Variants in ERN1 observed in about 807,000 individuals in gnomAD.
ERN1 encodes serine/threonine-protein kinase/endoribonuclease IRE1.
A neutral mutation model predicts 113.1 loss-of-function variants in ERN1; 39 were observed. The ratio of observed to expected loss-of-function variants is 0.34; its 90% confidence interval spans 0.27 to 0.45. ERN1 has a LOEUF of 0.45. ERN1 is among the 20% of genes least tolerant of loss of function. ERN1 has a pLI of 1.00. For missense variants in ERN1, 976 were observed against 1,274.8 expected (o/e 0.77, Z 3.57); for synonymous variants, 507 against 515.9 (o/e 0.98, Z 0.23).
At chr17:64,084,258 G>C (rs951371416) in intron 2 of ERN1, among the ~76,000 whole-genome samples, 1 of 152,110 alleles carries the variant, frequency 6.6e-6, no homozygotes, top group African/African-American at 2.4e-5. Context: ...TGACTCAAAC[G>C]ACACTGTTGA....
chr17:64,060,658 G>A (rs1913026554), intron 10 of ERN1, 71 bp from the exon 11 acceptor site: 6 of 1,094,266 alleles, frequency 5.5e-6, no homozygotes, highest in Middle Eastern at 4.0e-4. Context: ...GCTAAACTTA[G>A]GCAACAGGTG....
rs1437561776 is a variant in ERN1 at position 64,052,822 on chromosome 17, C to T, written c.2211G>A (p.Trp737Ter). The change falls in exon 17 of 22, where the codon TGG (tryptophan) becomes TGA (stop). Residue 737 changes from tryptophan (W) to a stop codon, truncating the protein, a stop_gained. Transcript: ENST00000433197. LOFTEE classifies it high-confidence loss of function. The part of the protein sequence containing the change: ...RRSGVPGTEG[W>*]IAPEMLSEDC... ...CTTCGCTCAGCATCTCTGGAGCGAT[C>T]CAGCCTTCTGTGCCAGGCACCCCAG... 6.2e-7 allele frequency: 1 copy of T among 1,613,936 alleles called. No individual in the cohort carries two copies. Among genetic ancestry groups the T allele is most frequent in the African/African-American group, 1.3e-5 (1 of 74,938 alleles).
At chr17:64,110,288 T>C (rs1004552357) in intron 1 of ERN1, among the ~76,000 whole-genome samples, 1 of 152,246 alleles carries the variant, frequency 6.6e-6, no homozygotes, top group African/African-American at 2.4e-5. Context: ...TATGTATACA[T>C]TGTGGAATGG....
At chr17:64,083,987 T>C (rs544248893) in intron 2 of ERN1, among the ~76,000 whole-genome samples, 5 of 152,260 alleles carry the variant, frequency 3.3e-5, no homozygotes, top group African/African-American at 4.8e-5. Flanking sequence ...GGGAGGAACA[T>C]TGCCAGCTTC....
chr17:64,103,525 A>G (rs944032577), intron 1 of ERN1, among the ~76,000 whole-genome samples: 1 of 151,234 alleles, frequency 6.6e-6, no homozygotes, highest in Non-Finnish European at 1.5e-5. Context: ...GCAATGTTAC[A>G]CAAAATCCAG....
chr17:64,111,900 C>G (rs1359679349), intron 1 of ERN1, among the ~76,000 whole-genome samples: 7 of 152,174 alleles, frequency 4.6e-5, no homozygotes, highest in Non-Finnish European at 1.0e-4. Context: ...AAGAAATCAT[C>G]AGGAAGTAAA....
intron 1 of ERN1, among the ~76,000 whole-genome samples, chr17:64,128,372 T>C (rs953738938): frequency 6.6e-6 from 1 of 152,120 alleles, no homozygotes; most frequent in Admixed American, 6.5e-5. Flanking sequence ...TCTGGAATAT[T>C]TTATCATGAA....
chr17:64,065,629 C>T (rs902490958), intron 8 of ERN1, among the ~76,000 whole-genome samples: 3 of 152,132 alleles, frequency 2.0e-5, no homozygotes, highest in Non-Finnish European at 4.4e-5. Flanking sequence ...CGCCGAGGCC[C>T]CTCAGATGAC....
chr17:64,060,374 TAGG>T, intron 11 of ERN1, 92 bp downstream of exon 11: 1 of 798,778 alleles, frequency 1.3e-6, no homozygotes, highest in Admixed American at 1.9e-5. Context: ...CCTCCCAGAC[TAGG>T]CTGCAAGCTC....
chr17:64,106,117 T>C (rs751640101), intron 1 of ERN1, among the ~76,000 whole-genome samples: 3 of 152,214 alleles, frequency 2.0e-5, no homozygotes, highest in Non-Finnish European at 4.4e-5. Flanking sequence ...CAGTGCAGGG[T>C]TCCTTGCCAG....
In ERN1 at chr17:64,125,602, C is replaced by T. The variant is rs561219909; in HGVS notation, c.54+4374G>A. ...CTCCCAGGTTCAAGCGATTCTCCTG[C>T]CTCGGCCTCCCGAGTAGCTGGGATT... On this transcript the variant is annotated intron_variant, in intron 1 of 21. Coordinates refer to ENST00000433197, the MANE Select transcript of ERN1 (RefSeq NM_001433.5). Among the ~76,000 whole-genome samples, 3 of 152,334 alleles carry T rather than the reference C, an allele frequency of 2.0e-5. No individual in the cohort carries two copies. In the East Asian group the frequency reaches 5.8e-4, roughly 29 times the overall value.
At chr17:64,125,389 T>C (rs934414451) in intron 1 of ERN1, among the ~76,000 whole-genome samples, 1 of 152,218 alleles carries the variant, frequency 6.6e-6, no homozygotes, top group Admixed American at 6.5e-5. Context: ...CACAGCAAGA[T>C]GACTGGCAGG....
chr17:64,075,731 T>G (rs1913573048), intron 4 of ERN1, among the ~76,000 whole-genome samples: 1 of 152,232 alleles, frequency 6.6e-6, no homozygotes, highest in Non-Finnish European at 1.5e-5. Flanking sequence ...GACACAAACC[T>G]TTTCTGAAAA....
rs1184913760 is a variant in ERN1 at position 64,063,729 on chromosome 17, A to G, written c.1087+257T>C. 6.6e-6 allele frequency among the ~76,000 whole-genome samples: 1 copy of G among 152,222 alleles called. No individual in the cohort carries two copies. Among genetic ancestry groups the G allele is most frequent in the Non-Finnish European group, 1.5e-5 (1 of 68,040 alleles). On this transcript the variant is annotated intron_variant, in intron 10 of 21. Coordinates refer to ENST00000433197, the MANE Select transcript of ERN1 (RefSeq NM_001433.5). This position sits in a 1 kb window ranked among gnomAD's most constrained non-coding sequence, Gnocchi z 5.1. ...CATTCTAAAGGGCTTAATGTCGGAT[A>G]CTCACACAAGGTTTACATTAATTTA...
chr17:64,065,170 A>G (rs768217557), intron 9 of ERN1, 39 bp downstream of exon 9: 7 of 1,418,702 alleles, frequency 4.9e-6, no homozygotes, highest in Non-Finnish European at 2.9e-6. Context: ...ATGGAACAGA[A>G]GTGGTTAGGC....
intron 2 of ERN1, among the ~76,000 whole-genome samples, chr17:64,096,287 T>TC (rs1488308664): frequency 6.6e-6 from 1 of 152,232 alleles, no homozygotes; most frequent in African/African-American, 2.4e-5. Flanking sequence ...CATTAGATTT[T>TC]CATAGGAGTG....
chr17:64,105,887 G>A (rs533243311), intron 1 of ERN1, among the ~76,000 whole-genome samples: 14 of 152,040 alleles, frequency 9.2e-5, no homozygotes, highest in African/African-American at 1.9e-4. Context: ...CCTGGGAGGC[G>A]GAGGTTGCAG....
Position 64,066,723 on chromosome 17 carries a change from T to C in ERN1, c.790A>G (p.Thr264Ala). ...TTGGGGAACGGGTACTTCCACTTTG[T>C]GATGCGCCCCACCTCCCCAGACATG... ...TFMSGEVGRI[T>A]KWKYPFPKET... The change falls in exon 8 of 22, where the codon ACA becomes GCA. Residue 264 changes from threonine to alanine, a missense_variant. By Grantham distance (58) the Thr-to-Ala change is moderately conservative. Coordinates refer to ENST00000433197, the MANE Select transcript of ERN1 (RefSeq NM_001433.5). The C allele has an allele frequency of 1.2e-6, 2 of 1,613,938 alleles. No individual in the cohort carries two copies. Among genetic ancestry groups the C allele is most frequent in the Non-Finnish European group, 8.5e-7 (1 of 1,179,856 alleles).
At chr17:64,097,825 GACCA>G in intron 2 of ERN1, 2 of 282,032 alleles carry the variant, frequency 7.1e-6, no homozygotes, top group Non-Finnish European at 1.3e-5. Context: ...TCTTCATAAA[GACCA>G]ACTAGCTAGA....
Sources: allele counts gnomAD v4.1 joint callset (sites outside exome capture counted in the v4.1 genomes callset), GRCh38; gene constraint gnomAD v4.1.1; non-coding constraint Gnocchi (gnomAD v3.1); transcripts MANE v1.5; gene names NCBI Gene and HGNC (gene_info 2026-07-23, HGNC 2026-07-21).